The following CCDC88C variants were observed in gnomAD, a reference collection of about 807,000 sequenced individuals.
CCDC88C encodes the protein protein Daple.
Under a neutral mutation model 198.8 loss-of-function variants are expected in CCDC88C, and 131 were observed. The ratio of observed to expected loss-of-function variants is 0.66; its 90% CI spans 0.57 to 0.76. The LOEUF (loss-of-function observed/expected upper bound fraction) is 0.76, where lower values mean the gene tolerates loss of function less well. CCDC88C is among the 30% of genes least tolerant of loss of function. The pLI, the probability that CCDC88C is intolerant of heterozygous loss-of-function variation, is 0.00. For synonymous variants in CCDC88C, 1,166 were observed against 1,114.7 expected, an observed-to-expected ratio of 1.05 and a Z score of -0.92; for missense variants, 2,553 against 2,631.6, an observed-to-expected ratio of 0.97 and a Z score of 0.65.
At chr14:91,367,795 A>C (rs1439173841) in intron 3 of CCDC88C, among the ~76,000 whole-genome samples, 2 of 152,150 alleles carry the variant, frequency 1.3e-5, no homozygotes, top group Non-Finnish European at 2.9e-5. Flanking sequence ...TACCCTGAGC[A>C]TCAAACTGAA....
chr14:91,285,792 C>G, intron 25 of CCDC88C: 1 of 1,288,964 alleles, frequency 7.8e-7, no homozygotes, highest in Middle Eastern at 2.1e-4. Context: ...TTGTCTTTGT[C>G]CTTGTTTTTG....
chr14:91,396,531 G>A (rs907332963), intron 3 of CCDC88C, among the ~76,000 whole-genome samples: 1 of 152,116 alleles, frequency 6.6e-6, no homozygotes, highest in Admixed American at 6.5e-5. Context: ...GGAGCTGAAC[G>A]AGAGCTAACT....
At chr14:91,300,163 G>GA in intron 20 of CCDC88C, 93 bp from the exon 21 acceptor site, 1 of 1,500,282 alleles carries the variant, frequency 6.7e-7, no homozygotes, top group Non-Finnish European at 9.0e-7. Flanking sequence ...CCTCCCGTGA[G>GA]AAAATGGGAT....
rs45560241 is a variant in CCDC88C, at chr14:91,272,732, G to C, written c.5980C>G (p.Arg1994Gly). 11,358 of 1,610,252 alleles carry C rather than the reference G, an allele frequency of 7.1e-3. 64 individuals are homozygous for C. Among genetic ancestry groups the C allele is most frequent in the Non-Finnish European group, 7.8e-3 (9,206 of 1,179,494 alleles). The stretch of plus-strand genomic sequence containing the variant: ...CCTCGACTGCAGTCCTCCAGGGCCC[G>C]GCCGAGGTGGGGAGCCAAATCGGGA... ...RSPDLAPHLGRALEDCSRGSV... is the reference protein window; with the variant it reads ...RSPDLAPHLGGALEDCSRGSV... The change falls in exon 30 of 30, where the codon CGG becomes GGG. Residue 1994 changes from arginine to glycine, a missense_variant. Transcript: ENST00000389857.
intron 6 of CCDC88C, among the ~76,000 whole-genome samples, chr14:91,340,739 T>A (rs1162921086): frequency 1.3e-5 from 2 of 152,170 alleles, no homozygotes; most frequent in African/African-American, 4.8e-5. Context: ...ATCAGGGGTA[T>A]CTACTCTGAA....
chr14:91,278,294 G>A lies in CCDC88C; in HGVS notation c.4769-83C>T, dbSNP rs1262383979. ...CTTCTAGAGGCTTCGTGCTGCCTTT[G>A]CCCACTTCAAACTATCAGAATAAAA... is the stretch of plus-strand genomic sequence containing the variant. On this transcript the variant is annotated intron_variant, in intron 28 of 29. Coordinates refer to ENST00000389857, the MANE Select transcript of CCDC88C (RefSeq NM_001080414.4). 3.8e-6 allele frequency: 5 copies of A among 1,314,872 alleles called. No homozygotes were observed. The Admixed American group carries it at 1.3e-4, about 35-fold the overall frequency. 81.5% of individuals were successfully genotyped at this position (1,314,872 alleles called of 1,614,324 possible).
intron 2 of CCDC88C, among the ~76,000 whole-genome samples, chr14:91,409,490 CT>C (rs66484836): frequency 0.34 from 47,244 of 140,202 alleles, 8,138 homozygotes; most frequent in Non-Finnish European, 0.4. Flanking sequence ...CGGTACATTT[CT>C]TTTTTTTTTT....
intron 4 of CCDC88C, among the ~76,000 whole-genome samples, chr14:91,354,762 C>T (rs554244878): frequency 6.6e-6 from 1 of 152,288 alleles, no homozygotes; most frequent in South Asian, 2.1e-4. Context: ...TCTAGGCATT[C>T]GAACGCACTG....
At chr14:91,376,128 G>C (rs557812920) in intron 3 of CCDC88C, among the ~76,000 whole-genome samples, 26 of 146,452 alleles carry the variant, frequency 1.8e-4, no homozygotes, top group African/African-American at 6.9e-4. Flanking sequence ...AGCCAGGAAA[G>C]GCCACACTTG....
intron 27 of CCDC88C, among the ~76,000 whole-genome samples, chr14:91,280,138 G>A (rs1279256987): frequency 2.0e-5 from 3 of 152,168 alleles, no homozygotes; most frequent in Non-Finnish European, 2.9e-5. Flanking sequence ...ACATGTCTAC[G>A]CTGCTGTGCT....
chr14:91,405,870 C>G lies in CCDC88C; in HGVS notation c.270+2789G>C, dbSNP rs541197266. ...GTCCTGTCAGCTTCCTTCAAGAGGG[C>G]AGGACTGAGACGCAGTGACCACTCC... On this transcript the variant is annotated intron_variant, in intron 3 of 29. Transcript: ENST00000389857. 2.0e-5 allele frequency among the ~76,000 whole-genome samples: 3 copies of G among 152,346 alleles called. No homozygotes were observed. In the South Asian group the frequency reaches 6.2e-4, roughly 32 times the overall value.
intron 3 of CCDC88C, among the ~76,000 whole-genome samples, chr14:91,372,483 G>A (rs913764101): frequency 2.0e-4 from 27 of 133,910 alleles, no homozygotes; most frequent in African/African-American, 7.4e-4. Flanking sequence ...AGCTGAAATG[G>A]GAAAGAACAA....
intron 3 of CCDC88C, among the ~76,000 whole-genome samples, chr14:91,366,546 A>G (rs761474391): frequency 3.1e-4 from 47 of 152,230 alleles, no homozygotes; most frequent in Non-Finnish European, 6.5e-4. Flanking sequence ...ATCTGTATCT[A>G]TATCCATATA....
At chr14:91,396,421 T>C (rs1045317710) in intron 3 of CCDC88C, among the ~76,000 whole-genome samples, 2 of 152,174 alleles carry the variant, frequency 1.3e-5, no homozygotes, top group Non-Finnish European at 2.9e-5. Flanking sequence ...CTTTGGCGTT[T>C]AGGGTATGTC....
chr14:91,405,270 A>T (rs755093845), intron 3 of CCDC88C, among the ~76,000 whole-genome samples: 10 of 152,210 alleles, frequency 6.6e-5, no homozygotes, highest in Non-Finnish European at 2.9e-5. Context: ...AGAAGGGGAC[A>T]GTTAGGGGCA....
chr14:91,358,856 C>A (rs182170434), intron 4 of CCDC88C, among the ~76,000 whole-genome samples: 16 of 152,260 alleles, frequency 1.1e-4, no homozygotes, highest in African/African-American at 3.9e-4. Flanking sequence ...GGACCTAGAA[C>A]GCGTGCCTGC....
intron 13 of CCDC88C, 98 bp from the exon 14 acceptor site, chr14:91,315,885 A>T: frequency 7.8e-7 from 1 of 1,281,008 alleles, no homozygotes; most frequent in Non-Finnish European, 1.1e-6. Flanking sequence ...GAATGCACTG[A>T]TGGGTCTTTT....
intron 4 of CCDC88C, among the ~76,000 whole-genome samples, chr14:91,357,946 G>A (rs1169773056): frequency 1.2e-4 from 19 of 152,346 alleles, no homozygotes; most frequent in Non-Finnish European, 2.1e-4. Flanking sequence ...GCTTGCTGCC[G>A]GGGGCCACCA....
chr14:91,323,714 T>C (rs1232560973), intron 12 of CCDC88C, among the ~76,000 whole-genome samples: 3 of 152,216 alleles, frequency 2.0e-5, no homozygotes, highest in East Asian at 1.9e-4. Flanking sequence ...AACAAATATT[T>C]AGTTGATGAG....
Sources: allele counts gnomAD v4.1 joint callset (sites outside exome capture counted in the v4.1 genomes callset), GRCh38; gene constraint gnomAD v4.1.1; transcripts MANE v1.5; gene names NCBI Gene and HGNC (gene_info 2026-07-23, HGNC 2026-07-21).